The following ANKRD6 variants were observed in gnomAD, a reference collection of about 807,000 sequenced individuals.
The protein encoded by ANKRD6 is ankyrin repeat domain-containing protein 6.
Under a neutral mutation model 82.3 loss-of-function variants are expected in ANKRD6, and 56 were observed. The ratio of observed to expected loss-of-function variants is 0.68; its 90% CI spans 0.55 to 0.85. The LOEUF (loss-of-function observed/expected upper bound fraction) is 0.85, where lower values mean the gene tolerates loss of function less well. ANKRD6 is among the 40% of genes least tolerant of loss of function. The probability of loss-of-function intolerance (pLI) is 0.00; values close to 1 mark genes in which losing one functional copy is unlikely to be tolerated. For synonymous variants in ANKRD6, 347 were observed against 352.1 expected (o/e 0.99, Z 0.16); for missense variants, 852 against 907.6 (o/e 0.94, Z 0.79).
At chr6:89,495,608 A>C (rs960327247) in intron 1 of ANKRD6, among the ~76,000 whole-genome samples, 1 of 152,026 alleles carries the variant, frequency 6.6e-6, no homozygotes. Flanking sequence ...CTACTTTCTT[A>C]GTATTTTCAG....
At chr6:89,610,097 T>C (rs1438992671) in intron 5 of ANKRD6, among the ~76,000 whole-genome samples, 2 of 152,204 alleles carry the variant, frequency 1.3e-5, no homozygotes, top group Non-Finnish European at 2.9e-5. Context: ...GCCTGCTACA[T>C]ATATATCTAC....
chr6:89,513,192 CTG>C (rs1780765017), intron 1 of ANKRD6, among the ~76,000 whole-genome samples: 3 of 152,206 alleles, frequency 2.0e-5, no homozygotes, highest in South Asian at 4.1e-4. Context: ...GCATGAACCA[CTG>C]TGCATGGCTG....
intron 8 of ANKRD6, among the ~76,000 whole-genome samples, chr6:89,617,680 C>T (rs572376592): frequency 2.0e-5 from 3 of 152,366 alleles, no homozygotes; most frequent in African/African-American, 7.2e-5. Context: ...AGGCCTTGGC[C>T]TCCTAAAGCA....
intron 1 of ANKRD6, among the ~76,000 whole-genome samples, chr6:89,526,768 G>C (rs1782547073): frequency 6.6e-6 from 1 of 152,182 alleles, no homozygotes; most frequent in Non-Finnish European, 1.5e-5. Flanking sequence ...AGATCTGAAG[G>C]CCTGAGGGGC....
intron 1 of ANKRD6, among the ~76,000 whole-genome samples, chr6:89,515,840 A>G (rs1250081975): frequency 6.6e-6 from 1 of 152,244 alleles, no homozygotes; most frequent in East Asian, 1.9e-4. Context: ...CCCTAAGTGC[A>G]ATCACATATA....
chr6:89,438,692 G>A (rs1355319116), intron 1 of ANKRD6, among the ~76,000 whole-genome samples: 1 of 152,002 alleles, frequency 6.6e-6, no homozygotes, highest in Non-Finnish European at 1.5e-5. Context: ...GCCTAGGCTG[G>A]AGTGCAATGG....
intron 5 of ANKRD6, among the ~76,000 whole-genome samples, chr6:89,611,341 AC>A (rs1309226448): frequency 1.3e-5 from 2 of 152,184 alleles, no homozygotes; most frequent in African/African-American, 2.4e-5. Flanking sequence ...CTGACCCAGC[AC>A]TTGAGCTCAG....
chr6:89,612,212 T>C, intron 5 of ANKRD6, 60 bp from the exon 6 acceptor site: 2 of 1,467,916 alleles, frequency 1.4e-6, no homozygotes, highest in Non-Finnish European at 1.9e-6. Flanking sequence ...CTGCAAGGCA[T>C]GCAAGTCTGT....
chr6:89,533,701 TGAGAGAGA>T (rs146850369), intron 1 of ANKRD6, among the ~76,000 whole-genome samples: 15 of 145,158 alleles, frequency 1.0e-4, no homozygotes, highest in Non-Finnish European at 2.0e-4. Context: ...CCATCACGAA[TGAGAGAGA>T]GAGAGAGAGA....
rs149146308 is a variant in ANKRD6 at position 89,473,533 on chromosome 6, C to A, written c.-144+40158C>A. On this transcript the variant is annotated intron_variant, in intron 1 of 15. Coordinates refer to ENST00000339746, the MANE Select transcript of ANKRD6 (RefSeq NM_001242809.2). ...TTATCTAAGTCTCACCAGAAAATTTCTGCATACCAAAAATATAGTGTTTAC... is the reference window on the plus strand; with the variant it reads ...TTATCTAAGTCTCACCAGAAAATTTATGCATACCAAAAATATAGTGTTTAC... Among the ~76,000 whole-genome samples the A allele has an allele frequency of 5.9e-3, 897 of 152,204 alleles. 13 individuals are homozygous for A. The highest frequency in any genetic ancestry group is 0.021 in the African/African-American group (856 of 41,556).
intron 5 of ANKRD6, among the ~76,000 whole-genome samples, chr6:89,606,347 G>C (rs1798613632): frequency 6.6e-6 from 1 of 152,204 alleles, no homozygotes; most frequent in Admixed American, 6.5e-5. Flanking sequence ...GCCCCTGACT[G>C]CTGCTGGGAA....
intron 1 of ANKRD6, among the ~76,000 whole-genome samples, chr6:89,530,986 C>A (rs1394116096): frequency 1.3e-5 from 2 of 152,192 alleles, no homozygotes; most frequent in Non-Finnish European, 2.9e-5. Context: ...TTTCATGACA[C>A]ATACGCATAA....
intron 1 of ANKRD6, among the ~76,000 whole-genome samples, chr6:89,529,122 G>A (rs529567071): frequency 2.6e-5 from 4 of 152,324 alleles, no homozygotes; most frequent in African/African-American, 9.6e-5. Flanking sequence ...TTGAAGCCAG[G>A]TGTTGACTTC....
chr6:89,612,635 C>T (rs764269214), intron 6 of ANKRD6, among the ~76,000 whole-genome samples: 6 of 152,186 alleles, frequency 3.9e-5, no homozygotes, highest in Admixed American at 1.3e-4. Context: ...TCTTACAGTA[C>T]GTGTCTGGCC....
chr6:89,472,856 C>T (rs1292000840), intron 1 of ANKRD6, among the ~76,000 whole-genome samples: 2 of 152,070 alleles, frequency 1.3e-5, no homozygotes, highest in African/African-American at 2.4e-5. Flanking sequence ...TGCCTGCTCC[C>T]CAGCCTCCCA....
At position 89,621,934 on chromosome 6, in the gene ANKRD6, A is replaced by G. The variant is rs1298064089; in HGVS notation, c.805A>G (p.Ser269Gly). The change falls in exon 10 of 16, where the codon AGT (serine) becomes GGT (glycine). Residue 269 changes from serine to glycine, a missense_variant. By Grantham distance (56) the Ser-to-Gly change is moderately conservative. Transcript: ENST00000339746. ...LTKAPQVLRF[S>G]RGRSLRKKRE... The stretch of plus-strand genomic sequence containing the variant: ...TTGCCTCCTTCAGGTCTTGCGCTTC[A>G]GTCGTGGGCGAAGCCTGAGGAAAAA... 7.4e-6 allele frequency: 12 copies of G among 1,613,882 alleles called. No homozygotes were observed. Among genetic ancestry groups the G allele is most frequent in the Non-Finnish European group, 1.0e-5 (12 of 1,179,896 alleles).
chr6:89,572,658 A>G (rs6931452), intron 2 of ANKRD6, among the ~76,000 whole-genome samples: 79,323 of 152,002 alleles, frequency 0.52, 21,068 homozygotes, highest in South Asian at 0.72. Flanking sequence ...TGGATCTTAT[A>G]TTTAGGTTTT....
At chr6:89,446,446 C>G (rs911297682) in intron 1 of ANKRD6, among the ~76,000 whole-genome samples, 5 of 152,174 alleles carry the variant, frequency 3.3e-5, no homozygotes, top group African/African-American at 1.2e-4. Flanking sequence ...AGTCTCACAA[C>G]TTTCACTTTA....
intron 1 of ANKRD6, among the ~76,000 whole-genome samples, chr6:89,443,146 ATC>A (rs1221423569): frequency 6.6e-6 from 1 of 152,044 alleles, no homozygotes; most frequent in Non-Finnish European, 1.5e-5. Flanking sequence ...CAGTTTGAAG[ATC>A]TCTGTTTTAA....
Sources: gnomAD v4.1 joint callset for allele counts (sites outside exome capture counted in the v4.1 genomes callset) on GRCh38, gnomAD v4.1.1 for gene constraint, MANE v1.5 for transcripts, NCBI Gene and HGNC (gene_info 2026-07-23, HGNC 2026-07-21) for gene names.